The following GARS1 variants were observed in gnomAD, a reference collection of about 807,000 sequenced individuals.
GARS1 encodes glycyl-tRNA synthetase 1, also known as glycine--tRNA ligase.
In GARS1, 46 loss-of-function variants were observed where a neutral mutation model predicts 86.4. The ratio of observed to expected loss-of-function variants is 0.53; its 90% confidence interval spans 0.42 to 0.68. The LOEUF (loss-of-function observed/expected upper bound fraction) is 0.68. GARS1 is among the 30% of genes least tolerant of loss of function. The probability of loss-of-function intolerance (pLI) is 0.00; values close to 1 mark genes in which losing one functional copy is unlikely to be tolerated. For synonymous variants in GARS1, 342 were observed against 329.8 expected (o/e 1.04, Z -0.40); for missense variants, 797 against 915.6 (o/e 0.87, Z 1.67).
At chr7:30,604,152 T>C (rs1191778872) in intron 6 of GARS1, among the ~76,000 whole-genome samples, 1 of 152,180 alleles carries the variant, frequency 6.6e-6, no homozygotes, top group Non-Finnish European at 1.5e-5. Flanking sequence ...AGGAATACTT[T>C]CTATATTAGA....
intron 14 of GARS1, among the ~76,000 whole-genome samples, chr7:30,630,222 A>C (rs1218853797): frequency 6.6e-6 from 1 of 152,248 alleles, no homozygotes; most frequent in Non-Finnish European, 1.5e-5. Flanking sequence ...AAATATCACA[A>C]GATGGAGGAA....
chr7:30,628,188 CTTT>C (rs750509307), intron 13 of GARS1, among the ~76,000 whole-genome samples: 1 of 143,612 alleles, frequency 7.0e-6, no homozygotes, highest in Non-Finnish European at 1.5e-5. Context: ...CTTTTCTTTT[CTTT>C]TTTTTTTTTT....
At chr7:30,607,546 G>T (rs1329692424) in intron 6 of GARS1, among the ~76,000 whole-genome samples, 5 of 151,494 alleles carry the variant, frequency 3.3e-5, no homozygotes, top group African/African-American at 4.9e-5. Flanking sequence ...TGGGCCTGTC[G>T]GGGGGTGGGA....
At chr7:30,621,659 C>A in intron 11 of GARS1, 159 bp downstream of exon 11, 1 of 685,038 alleles carries the variant, frequency 1.5e-6, no homozygotes, top group Non-Finnish European at 2.6e-6. Context: ...CCCTTTGTTC[C>A]TTTCCTATTC....
rs1783245557 is a variant in GARS1, at chr7:30,632,118, C to T, written c.1904-129C>T. The T allele has an allele frequency of 3.5e-6, 3 of 852,614 alleles. No individual in the cohort carries two copies. The highest frequency in any genetic ancestry group is 5.7e-6 in the Non-Finnish European group (3 of 522,260). 52.8% of individuals were successfully genotyped at this position (852,614 alleles called of 1,614,324 possible). On this transcript the variant is annotated intron_variant, in intron 15 of 16. Coordinates refer to ENST00000389266, the MANE Select transcript of GARS1 (RefSeq NM_002047.4). This position sits in a 1 kb window ranked among gnomAD's most constrained non-coding sequence, Gnocchi z 4.1. ...ACTTTAGGGATATTTCTTTCTCTTG[C>T]AACTCAACTTGTTGCTTTCTTGTCT...
chr7:30,621,839 G>A lies in GARS1; in HGVS notation c.1467+339G>A, dbSNP rs571195321. ...CGTGCTCTTTAAATAAAGGGTACCT[G>A]GTGAAAGCTTTTTCCATTAAAAGAT... On this transcript the variant is annotated intron_variant, in intron 11 of 16. Coordinates refer to ENST00000389266, the MANE Select transcript of GARS1 (RefSeq NM_002047.4). Among the ~76,000 whole-genome samples, 37 of 152,274 alleles carry A rather than the reference G, an allele frequency of 2.4e-4. No homozygotes were observed. In the South Asian group the frequency reaches 3.1e-3, roughly 13 times the overall value.
Position 30,632,940 on chromosome 7 carries a change from GA to G in GARS1, c.2094+506del, listed in dbSNP as rs1462743827. ...GAGAAGGATGAGTGGTAAGGGAAAG[GA>G]AAGAGTAGCTGCTTTAATTGACATC... On this transcript the variant is annotated intron_variant, in intron 16 of 16. Coordinates refer to ENST00000389266, the MANE Select transcript of GARS1 (RefSeq NM_002047.4). This position sits in a 1 kb window ranked among gnomAD's most constrained non-coding sequence, Gnocchi z 4.1. Among the ~76,000 whole-genome samples the G allele has an allele frequency of 6.6e-6, 1 of 152,208 alleles. No individual in the cohort carries two copies. Among genetic ancestry groups the G allele is most frequent in the African/African-American group, 2.4e-5 (1 of 41,456 alleles).
At chr7:30,622,104 A>G in intron 11 of GARS1, 1 of 586,260 alleles carries the variant, frequency 1.7e-6, no homozygotes, top group South Asian at 1.9e-5. Context: ...TGTAACTGGA[A>G]AAGTTTCTAT....
intron 1 of GARS1, among the ~76,000 whole-genome samples, chr7:30,595,410 C>A (rs1283785048): frequency 1.3e-5 from 2 of 152,200 alleles, no homozygotes; most frequent in African/African-American, 2.4e-5. Flanking sequence ...TCTCCGGCTC[C>A]GTTCTCCCTT....
At chr7:30,613,798 G>A (rs1302579940) in intron 8 of GARS1, among the ~76,000 whole-genome samples, 1 of 152,168 alleles carries the variant, frequency 6.6e-6, no homozygotes, top group East Asian at 1.9e-4. Context: ...CATCCTCCTG[G>A]CTTTTGTTCC....
chr7:30,615,706 C>A (rs974587949), intron 8 of GARS1, among the ~76,000 whole-genome samples, 190 bp from the exon 9 acceptor site: 2 of 152,040 alleles, frequency 1.3e-5, no homozygotes, highest in Admixed American at 6.5e-5. Context: ...ATAACAACTA[C>A]CCAGACAAAT....
chr7:30,600,135 T>G (rs1584023048), intron 3 of GARS1, 86 bp downstream of exon 3: 1 of 936,052 alleles, frequency 1.1e-6, no homozygotes, highest in Non-Finnish European at 1.7e-6. Flanking sequence ...TGCCTGTTGG[T>G]ATCCACTTGT....
In GARS1 at chr7:30,631,436, T is replaced by A. The variant is rs1562783874; in HGVS notation, c.1810-12T>A. ...TAACATATTTGGATTTTTTTCTTTT[T>A]AAATCATCCAGTTCTTCAGTTTCCC... On this transcript the variant is annotated splice_polypyrimidine_tract_variant and intron_variant, in intron 14 of 16. Coordinates refer to ENST00000389266, the MANE Select transcript of GARS1 (RefSeq NM_002047.4). 1 of 1,604,264 alleles carries A rather than the reference T, an allele frequency of 6.2e-7. No individual in the cohort carries two copies. The highest frequency in any genetic ancestry group is 1.7e-5 in the Admixed American group (1 of 60,000).
intron 10 of GARS1, among the ~76,000 whole-genome samples, chr7:30,617,489 G>GTT (rs1329095916): frequency 6.6e-6 from 1 of 152,206 alleles, no homozygotes; most frequent in Non-Finnish European, 1.5e-5. Flanking sequence ...GAGAGACAGA[G>GTT]TTAGTGTATG....
At chr7:30,620,170 A>G (rs1782976597) in intron 10 of GARS1, among the ~76,000 whole-genome samples, 2 of 152,132 alleles carry the variant, frequency 1.3e-5, no homozygotes, top group African/African-American at 2.4e-5. Flanking sequence ...CTAACTAGGT[A>G]TCTACCAAAA....
At chr7:30,617,470 T>C (rs1782912192) in intron 10 of GARS1, among the ~76,000 whole-genome samples, 192 bp downstream of exon 10, 1 of 152,174 alleles carries the variant, frequency 6.6e-6, no homozygotes. Context: ...GTTGTAGTCT[T>C]AGATAGCTGA....
chr7:30,603,632 T>C, intron 6 of GARS1, 60 bp downstream of exon 6: 1 of 1,194,776 alleles, frequency 8.4e-7, no homozygotes, highest in Non-Finnish European at 1.2e-6. Flanking sequence ...TCTTTCAGTG[T>C]TTAATGACTG....
Position 30,603,555 on chromosome 7 carries a change from G to A in GARS1, c.718G>A (p.Glu240Lys). 2 of 1,613,760 alleles carry A rather than the reference G, an allele frequency of 1.2e-6. No homozygotes were observed. Among genetic ancestry groups the A allele is most frequent in the South Asian group, 2.2e-5 (2 of 91,074 alleles). Residue 240 changes from glutamate to lysine, a missense_variant, in exon 6 of 17, where the codon GAA (glutamate) becomes AAA (lysine). By Grantham distance (56) the Glu-to-Lys change is moderately conservative. Transcript: ENST00000389266. ...TTCTGTCGAAAAGAAATCAGAAATG[G>A]AAAGTGTTTTGGCCCAGGTGAGTAC... is the stretch of plus-strand genomic sequence containing the variant. ...KCSVEKKSEMESVLAQLDNYG... is the reference protein window; with the variant it reads ...KCSVEKKSEMKSVLAQLDNYG...
At chr7:30,601,791 G>C (rs1188951727) in intron 4 of GARS1, among the ~76,000 whole-genome samples, 1 of 151,674 alleles carries the variant, frequency 6.6e-6, no homozygotes, top group South Asian at 2.1e-4. Context: ...CTTTTTTTGT[G>C]TGTGTGAGAT....
Sources: gnomAD v4.1 joint callset for allele counts (sites outside exome capture counted in the v4.1 genomes callset) on GRCh38, gnomAD v4.1.1 for gene constraint, Gnocchi (gnomAD v3.1) non-coding constraint, MANE v1.5 for transcripts, NCBI Gene and HGNC (gene_info 2026-07-23, HGNC 2026-07-21) for gene names.